The following HDX variants were observed in gnomAD, a reference collection of about 807,000 sequenced individuals.
HDX encodes the protein highly divergent homeobox, also known as chromosome X open reading frame 43.
A neutral mutation model predicts 45.2 loss-of-function variants in HDX; 19 were observed. That is an observed-to-expected ratio of 0.42 (90% CI 0.29 to 0.62). HDX has a LOEUF of 0.62. HDX is among the 20% of genes least tolerant of loss of function. HDX has a pLI of 0.20. For missense variants in HDX, 532 were observed against 493.9 expected (o/e 1.08, Z -0.73); for synonymous variants, 188 against 172.8 (o/e 1.09, Z -0.69).
chrX:84,498,921 T>G (rs1200857661), intron 1 of HDX, among the ~76,000 whole-genome samples: 1 of 110,626 alleles, frequency 9.0e-6, no homozygotes, highest in Non-Finnish European at 1.9e-5. Flanking sequence ...GTTCATTATA[T>G]TGACCTTAGT....
At chrX:84,348,369 T>C (rs1447089643) in intron 6 of HDX, among the ~76,000 whole-genome samples, 1 of 111,764 alleles carries the variant, frequency 8.9e-6, no homozygotes, top group Non-Finnish European at 1.9e-5. Flanking sequence ...TGTTCTTGTA[T>C]GTTGTCTACT....
rs1220191143 is a variant in HDX, at chrX:84,470,731, A to G, written c.148-1156T>C. Among the ~76,000 whole-genome samples the G allele has an allele frequency of 2.7e-5, 3 of 111,963 alleles. No individual in the cohort carries two copies. The Admixed American group carries it at 2.9e-4, about 11-fold the overall frequency. ...AGTAATTTATTATAATTATCTTAGTATTATTTTTCTGAGTCATGGATCTTC... is the reference window on the plus strand; with the variant it reads ...AGTAATTTATTATAATTATCTTAGTGTTATTTTTCTGAGTCATGGATCTTC... On this transcript the variant is annotated intron_variant, in intron 3 of 10. Coordinates refer to ENST00000373177, the MANE Select transcript of HDX (RefSeq NM_001177479.2).
intron 5 of HDX, among the ~76,000 whole-genome samples, chrX:84,435,755 G>C (rs1167637329): frequency 9.3e-6 from 1 of 107,983 alleles, no homozygotes; most frequent in Non-Finnish European, 1.9e-5. Flanking sequence ...GTAAGGAAGG[G>C]ATCATTAAAA....
rs192387629 is a variant in HDX at position 84,448,231 on chromosome X, G to A, written c.1252-7646C>T. 3.6e-3 allele frequency among the ~76,000 whole-genome samples: 405 copies of A among 111,743 alleles called. 3 individuals are homozygous for A. The highest frequency in any genetic ancestry group is 0.013 in the African/African-American group (392 of 30,765). On this transcript the variant is annotated intron_variant, in intron 4 of 10. Transcript: ENST00000373177. Reference sequence around the variant, plus strand: ...CAGGATGAACTGTGTGGGAGACAGAGGATTGTCCTGCCATGGCTGCTGTCA... The same window carrying A: ...CAGGATGAACTGTGTGGGAGACAGAAGATTGTCCTGCCATGGCTGCTGTCA...
At chrX:84,398,693 A>G (rs1383702786) in intron 5 of HDX, among the ~76,000 whole-genome samples, 5 of 111,946 alleles carry the variant, frequency 4.5e-5, no homozygotes, top group African/African-American at 1.6e-4. Context: ...TTAGGACGTG[A>G]ACTCAGTTCT....
chrX:84,349,403 ATGTGTGTGTGTGTGTG>A (rs58864600), intron 6 of HDX, among the ~76,000 whole-genome samples: 10 of 68,512 alleles, frequency 1.5e-4, no homozygotes, highest in African/African-American at 3.0e-4. Flanking sequence ...ATATATATAT[ATGTGTGTGTGTGTGTG>A]TGTGTGTGTG....
rs142210435 is a variant in HDX, at chrX:84,453,830, G to A, written c.1252-13245C>T. 3.0e-3 allele frequency among the ~76,000 whole-genome samples: 338 copies of A among 111,949 alleles called. 1 individual carries two copies. The highest frequency in any genetic ancestry group is 0.01 in the African/African-American group (321 of 30,854). ...GGAGCGACACCTTCCCTTCACTTGA[G>A]TAGAGAAGAGAGAAGAGTAAAGAAG... On this transcript the variant is annotated intron_variant, in intron 4 of 10. Coordinates refer to ENST00000373177, the MANE Select transcript of HDX (RefSeq NM_001177479.2).
At chrX:84,342,787 A>T (rs769298175) in intron 7 of HDX, among the ~76,000 whole-genome samples, 135 of 111,544 alleles carry the variant, frequency 1.2e-3, no homozygotes, top group African/African-American at 4.2e-3. Flanking sequence ...TAGTATAAGG[A>T]AAGACTGTAA....
intron 1 of HDX, among the ~76,000 whole-genome samples, chrX:84,498,081 C>A (rs983498884): frequency 8.1e-5 from 9 of 111,518 alleles, no homozygotes; most frequent in Non-Finnish European, 1.7e-4. Flanking sequence ...CTCAAAGATT[C>A]TAAGGATCAA....
chrX:84,326,634 TG>T (rs1331873670), intron 9 of HDX, among the ~76,000 whole-genome samples: 14 of 111,119 alleles, frequency 1.3e-4, no homozygotes, highest in Non-Finnish European at 2.6e-4. Context: ...GAATAAAGGT[TG>T]GGTGCGTGGC....
At chrX:84,386,122 T>G (rs1016857523) in intron 5 of HDX, among the ~76,000 whole-genome samples, 1 of 111,482 alleles carries the variant, frequency 9.0e-6, no homozygotes, top group African/African-American at 3.3e-5. Flanking sequence ...TATATGTTTT[T>G]TATTTTAATT....
intron 5 of HDX, among the ~76,000 whole-genome samples, chrX:84,394,146 C>T (rs1438142001): frequency 2.7e-5 from 3 of 111,098 alleles, no homozygotes; most frequent in Admixed American, 1.9e-4. Flanking sequence ...ATAAACTTCC[C>T]TCTTAGCACT....
chrX:84,330,217 T>TA (rs927007314), intron 9 of HDX, among the ~76,000 whole-genome samples: 1 of 111,322 alleles, frequency 9.0e-6, no homozygotes, highest in Non-Finnish European at 1.9e-5. Context: ...AAAATTATTC[T>TA]AAAAAAATAA....
chrX:84,498,454 C>A (rs1453950730), intron 1 of HDX, among the ~76,000 whole-genome samples: 3 of 111,236 alleles, frequency 2.7e-5, no homozygotes, highest in African/African-American at 9.8e-5. Context: ...GATATTTGCT[C>A]CCAAACTAGT....
intron 4 of HDX, among the ~76,000 whole-genome samples, chrX:84,459,255 A>G (rs780114616): frequency 9.0e-6 from 1 of 110,639 alleles, no homozygotes; most frequent in East Asian, 2.9e-4. Context: ...ATCCTGGCTA[A>G]CACAGTGAAA....
At chrX:84,475,496 C>G (rs2040528829) in intron 2 of HDX, 99 bp from the exon 3 acceptor site, 1 of 473,141 alleles carries the variant, frequency 2.1e-6, no homozygotes, top group African/African-American at 2.5e-5. Context: ...TGCTTCCAAG[C>G]TGTAAACTTC....
chrX:84,488,690 A>T (rs1014591750), intron 1 of HDX, among the ~76,000 whole-genome samples: 1 of 111,361 alleles, frequency 9.0e-6, no homozygotes, highest in South Asian at 3.7e-4. Context: ...TTGAGCAATA[A>T]AATTTTATTT....
chrX:84,399,127 A>G (rs772327252), intron 5 of HDX, among the ~76,000 whole-genome samples: 8 of 111,208 alleles, frequency 7.2e-5, no homozygotes, highest in African/African-American at 9.8e-5. Context: ...AAACATCTCA[A>G]ATCAACACCC....
At chrX:84,474,976 A>C (rs897029411) in intron 3 of HDX, among the ~76,000 whole-genome samples, 2 of 111,995 alleles carry the variant, frequency 1.8e-5, no homozygotes, top group African/African-American at 6.5e-5. Context: ...GCATAAGATC[A>C]ACAATGAATC....
Sources: allele counts gnomAD v4.1 joint callset (sites outside exome capture counted in the v4.1 genomes callset), GRCh38; gene constraint gnomAD v4.1.1; transcripts MANE v1.5; gene names NCBI Gene and HGNC (gene_info 2026-07-23, HGNC 2026-07-21).